The following SHQ1 variants were observed in gnomAD, a reference collection of about 807,000 sequenced individuals.
SHQ1 encodes protein SHQ1 homolog.
Under a neutral mutation model 53.8 loss-of-function variants are expected in SHQ1, and 49 were observed. The observed-to-expected ratio is 0.91, with a 90% CI of 0.72 to 1.16. The LOEUF (loss-of-function observed/expected upper bound fraction) is 1.16. SHQ1 is among the 50% of genes most tolerant of loss of function. The pLI is 0.00. For synonymous variants in SHQ1, 243 were observed against 251.0 expected (o/e 0.97, Z 0.30); for missense variants, 738 against 683.1 (o/e 1.08, Z -0.90).
chr3:72,803,721 C>T (rs145608705), intron 9 of SHQ1, among the ~76,000 whole-genome samples: 3 of 152,282 alleles, frequency 2.0e-5, no homozygotes, highest in East Asian at 3.9e-4. Flanking sequence ...CAAAAGCAGC[C>T]ATAGACAATA....
At chr3:72,766,613 C>T (rs1298852304) in intron 10 of SHQ1, among the ~76,000 whole-genome samples, 1 of 152,148 alleles carries the variant, frequency 6.6e-6, no homozygotes, top group African/African-American at 2.4e-5. Flanking sequence ...TACAACTTAC[C>T]TCTTCTAAGA....
intron 10 of SHQ1, among the ~76,000 whole-genome samples, chr3:72,765,392 GAAACAGTGCATCA>G (rs1705698066): frequency 6.7e-6 from 1 of 149,728 alleles, no homozygotes; most frequent in South Asian, 2.1e-4. Flanking sequence ...AGACTGCACT[GAAACAGTGCATCA>G]GGGCTGCATT....
chr3:72,751,508 G>GTGTATGTATA (rs1210782182), intron 10 of SHQ1, among the ~76,000 whole-genome samples: 2 of 116,984 alleles, frequency 1.7e-5, no homozygotes, highest in African/African-American at 8.9e-5. Flanking sequence ...GTGTGTGTGT[G>GTGTATGTATA]TATATATATA....
intron 10 of SHQ1, among the ~76,000 whole-genome samples, chr3:72,758,440 C>G (rs184775251): frequency 8.5e-5 from 13 of 152,216 alleles, no homozygotes; most frequent in Non-Finnish European, 1.9e-4. Context: ...CATGGATCAG[C>G]AGAATCATTT....
chr3:72,746,939 G>C (rs1164529036), downstream of SHQ1, among the ~76,000 whole-genome samples: 1 of 152,208 alleles, frequency 6.6e-6, no homozygotes, highest in Non-Finnish European at 1.5e-5. Flanking sequence ...AAGCTCTCCA[G>C]GGAAGCTGAG....
chr3:72,796,713 G>A (rs1270798634), intron 9 of SHQ1, among the ~76,000 whole-genome samples: 4 of 151,736 alleles, frequency 2.6e-5, no homozygotes, highest in Admixed American at 1.3e-4. Context: ...CCTGCTACTC[G>A]GGAGGCTGAG....
At chr3:72,744,923 T>TGG (rs371271667), downstream of SHQ1, among the ~76,000 whole-genome samples, 433 of 72,620 alleles carry the variant, frequency 6.0e-3, 1 homozygote, top group Non-Finnish European at 7.7e-3. Context: ...TTTGATACAT[T>TGG]GGGGGGGGGG....
chr3:72,800,543 T>G (rs1009123039), intron 9 of SHQ1, among the ~76,000 whole-genome samples: 1 of 152,216 alleles, frequency 6.6e-6, no homozygotes, highest in African/African-American at 2.4e-5. Flanking sequence ...CCACTGTCAG[T>G]ATTTATCACC....
At chr3:72,824,696 T>C (rs1481669205) in intron 5 of SHQ1, 145 bp from the exon 6 acceptor site, 2 of 1,005,940 alleles carry the variant, frequency 2.0e-6, no homozygotes, top group Non-Finnish European at 2.8e-6. Flanking sequence ...CTATATTTAC[T>C]TTCTTTGTAG....
chr3:72,746,618 T>C (rs1705263779), downstream of SHQ1, among the ~76,000 whole-genome samples: 1 of 152,230 alleles, frequency 6.6e-6, no homozygotes, highest in Non-Finnish European at 1.5e-5. Flanking sequence ...TGAGGGTTGT[T>C]TAATGAGCTG....
intron 9 of SHQ1, among the ~76,000 whole-genome samples, chr3:72,796,094 T>A (rs1575700060): frequency 9.9e-6 from 1 of 101,386 alleles, no homozygotes; most frequent in East Asian, 3.0e-4. Flanking sequence ...AGAGTGAGAC[T>A]CCATCTCAAA....
Position 72,772,088 on chromosome 3 carries a change from T to C in SHQ1, c.1181+20828A>G, listed in dbSNP as rs1435887506. Among the ~76,000 whole-genome samples the C allele has an allele frequency of 2.6e-5, 4 of 152,292 alleles. No homozygotes were observed. The South Asian group carries it at 6.2e-4, about 24-fold the overall frequency. Reference sequence around the variant, plus strand: ...GTTCTGTGACTGGCTGCATTACAGATAGTCATCATCAAGAGGAGTGATGTC... The same window carrying C: ...GTTCTGTGACTGGCTGCATTACAGACAGTCATCATCAAGAGGAGTGATGTC... On this transcript the variant is annotated intron_variant, in intron 10 of 10. Coordinates refer to ENST00000325599, the MANE Select transcript of SHQ1 (RefSeq NM_018130.3).
At chr3:72,731,732 T>C in the SHQ1 span, among the ~76,000 whole-genome samples, 1 of 151,230 alleles carries the variant, frequency 6.6e-6, no homozygotes, top group Admixed American at 6.6e-5. Flanking sequence ...TTGCAGGCTA[T>C]ACAAAAACAG....
At chr3:72,732,379 TGCCTGCCTG>T in the SHQ1 span, among the ~76,000 whole-genome samples, 16 of 134,088 alleles carry the variant, frequency 1.2e-4, no homozygotes, top group African/African-American at 4.9e-4. Context: ...CCTGCCTGCC[TGCCTGCCTG>T]CCTTCCTTCC....
the SHQ1 span, among the ~76,000 whole-genome samples, chr3:72,728,671 G>C: frequency 2.0e-5 from 3 of 152,220 alleles, no homozygotes; most frequent in African/African-American, 7.2e-5. Context: ...TTGGGGTAAA[G>C]TATTTCACCT....
chr3:72,772,873 G>C (rs2106741843), intron 10 of SHQ1: 1 of 781,552 alleles, frequency 1.3e-6, no homozygotes, highest in East Asian at 2.4e-5. Context: ...GGAAGCTGTG[G>C]ACAAATCTGA....
chr3:72,730,163 T>A, the SHQ1 span, among the ~76,000 whole-genome samples: 1 of 151,912 alleles, frequency 6.6e-6, no homozygotes, highest in African/African-American at 2.4e-5. Flanking sequence ...TTGCCCAGGC[T>A]GGGGCACAGT....
At chr3:72,770,051 T>C (rs570082272) in intron 10 of SHQ1, among the ~76,000 whole-genome samples, 23 of 152,356 alleles carry the variant, frequency 1.5e-4, no homozygotes, top group Non-Finnish European at 2.8e-4. Flanking sequence ...TGGTATGCAG[T>C]AAGCCCTTGA....
intron 4 of SHQ1, among the ~76,000 whole-genome samples, chr3:72,837,963 T>TAA (rs72461722): frequency 0.33 from 50,491 of 152,052 alleles, 10,488 homozygotes; most frequent in African/African-American, 0.59. Context: ...ACTTGATTTC[T>TAA]AAGTCTGGTT....
Sources: gnomAD v4.1 joint callset for allele counts (sites outside exome capture counted in the v4.1 genomes callset) on GRCh38, gnomAD v4.1.1 for gene constraint, MANE v1.5 for transcripts, NCBI Gene and HGNC (gene_info 2026-07-23, HGNC 2026-07-21) for gene names.